LPP: variants seen among roughly 807,000 people sequenced by gnomAD.
LPP encodes LIM domain containing preferred translocation partner in lipoma.
LPP carries 38 observed loss-of-function variants against 60.4 expected under a neutral mutation model. The ratio of observed to expected loss-of-function variants is 0.63; its 90% CI spans 0.49 to 0.83. LPP has a LOEUF of 0.83. LPP is among the 40% of genes least tolerant of loss of function. The probability of loss-of-function intolerance (pLI) is 0.00; values close to 1 mark genes in which losing one functional copy is unlikely to be tolerated. For synonymous variants in LPP, 328 were observed against 290.8 expected (o/e 1.13, Z -1.30); for missense variants, 902 against 783.6 (o/e 1.15, Z -1.80).
intron 7 of LPP, among the ~76,000 whole-genome samples, chr3:188,701,464 C>T (rs1864392144): frequency 6.6e-6 from 1 of 152,168 alleles, no homozygotes; most frequent in East Asian, 1.9e-4. Flanking sequence ...TGACTTTCAA[C>T]GATTAACCTT....
chr3:188,332,630 C>A (rs1760427046), intron 2 of LPP, among the ~76,000 whole-genome samples: 1 of 152,144 alleles, frequency 6.6e-6, no homozygotes, highest in East Asian at 1.9e-4. Flanking sequence ...AGCCTCTATT[C>A]AAGATGCATG....
chr3:188,753,664 T>C (rs193199832), intron 8 of LPP, among the ~76,000 whole-genome samples: 1 of 151,822 alleles, frequency 6.6e-6, no homozygotes, highest in Non-Finnish European at 1.5e-5. Flanking sequence ...CTTTTTGGAC[T>C]AAGATGTTAA....
intron 8 of LPP, among the ~76,000 whole-genome samples, chr3:188,731,178 A>G (rs908968851): frequency 6.6e-6 from 1 of 152,200 alleles, no homozygotes; most frequent in Non-Finnish European, 1.5e-5. Context: ...GTGATCTTCT[A>G]GACATAACAA....
chr3:188,425,934 C>G (rs1042903736), intron 4 of LPP, among the ~76,000 whole-genome samples: 1 of 151,792 alleles, frequency 6.6e-6, no homozygotes, highest in Admixed American at 6.6e-5. Context: ...AAGGGTTTTT[C>G]TCATGTCTCT....
rs1345325991 is a variant in LPP at position 188,881,364 on chromosome 3, A to ATT, written c.*6886_*6887dup. 5.0e-6 allele frequency: 1 copy of ATT among 199,400 alleles called. No individual in the cohort carries two copies. Among genetic ancestry groups the ATT allele is most frequent in the Non-Finnish European group, 1.0e-5 (1 of 96,214 alleles). 12.4% of individuals were successfully genotyped at this position (199,400 alleles called of 1,614,324 possible). A position where few individuals can be genotyped will look rare whatever the true frequency, so the allele number is the denominator to read the frequency against. On this transcript the variant is annotated 3_prime_UTR_variant, in exon 12 of 12. Transcript: ENST00000617246. Reference sequence around the variant, plus strand: ...CAACTCATTCAGCTTTTCTTCACTTATTGACATAGTGTCATGTCCTATCAC... The same window carrying ATT: ...CAACTCATTCAGCTTTTCTTCACTTATTTTGACATAGTGTCATGTCCTATCAC...
intron 5 of LPP, among the ~76,000 whole-genome samples, chr3:188,518,823 CT>C (rs1818103005): frequency 6.6e-6 from 1 of 152,082 alleles, no homozygotes; most frequent in African/African-American, 2.4e-5. Context: ...TCCCCTTGGC[CT>C]TTTGTTTCCT....
intron 1 of LPP, among the ~76,000 whole-genome samples, chr3:188,197,408 G>A (rs1729842038): frequency 6.6e-6 from 1 of 152,230 alleles, no homozygotes; most frequent in South Asian, 2.1e-4. Flanking sequence ...TATATAACTC[G>A]GCAGAGCTTT....
intron 7 of LPP, among the ~76,000 whole-genome samples, chr3:188,698,088 T>C (rs192977640): frequency 6.6e-6 from 1 of 152,304 alleles, no homozygotes; most frequent in East Asian, 1.9e-4. Context: ...GGACAATGCA[T>C]AGAAAGCTGT....
intron 3 of LPP, among the ~76,000 whole-genome samples, chr3:188,394,551 A>AGTGTGTGTGTGT (rs1209092729): frequency 0.031 from 4,540 of 146,900 alleles, 93 homozygotes; most frequent in African/African-American, 0.055. Context: ...AAATATCTAA[A>AGTGTGTGTGTGT]GTGTGTGTGT....
At chr3:188,582,324 AT>A (rs1386752664) in intron 6 of LPP, among the ~76,000 whole-genome samples, 2 of 148,736 alleles carry the variant, frequency 1.3e-5, no homozygotes, top group Admixed American at 6.7e-5. Flanking sequence ...TGCCTGGCTA[AT>A]TTTTTTTTCT....
At chr3:188,604,949 A>G (rs1222209310) in intron 6 of LPP, among the ~76,000 whole-genome samples, 1 of 152,132 alleles carries the variant, frequency 6.6e-6, no homozygotes, top group Non-Finnish European at 1.5e-5. Flanking sequence ...TCAGCTAGAT[A>G]ATTCAAAGAC....
intron 8 of LPP, among the ~76,000 whole-genome samples, chr3:188,752,509 T>C (rs1251911016): frequency 6.6e-6 from 1 of 152,186 alleles, no homozygotes; most frequent in Non-Finnish European, 1.5e-5. Context: ...CAGGGTTGTT[T>C]TTTGTTTTGT....
chr3:188,783,706 A>G (rs35810992), intron 9 of LPP, among the ~76,000 whole-genome samples: 21,488 of 132,406 alleles, frequency 0.16, 1,600 homozygotes, highest in Middle Eastern at 0.19. Flanking sequence ...AACCTAAAAT[A>G]AAAGTTTTTT....
intron 1 of LPP, among the ~76,000 whole-genome samples, chr3:188,159,066 C>T (rs906916884): frequency 1.3e-5 from 2 of 152,308 alleles, no homozygotes; most frequent in South Asian, 2.1e-4. Flanking sequence ...CAACAGAGCT[C>T]GCTTCCCCAG....
chr3:188,486,184 C>T (rs1176791477), intron 5 of LPP, among the ~76,000 whole-genome samples: 2 of 151,942 alleles, frequency 1.3e-5, no homozygotes, highest in Admixed American at 6.6e-5. Flanking sequence ...GAGAAAAAGT[C>T]TTAGGGAACA....
chr3:188,802,003 TTAG>T (rs1248052167), intron 9 of LPP, among the ~76,000 whole-genome samples: 2 of 152,230 alleles, frequency 1.3e-5, no homozygotes, highest in Non-Finnish European at 2.9e-5. Flanking sequence ...GTTAATATTT[TTAG>T]TATTTTATCT....
At chr3:188,215,717 A>G (rs1713278787) in intron 1 of LPP, among the ~76,000 whole-genome samples, 1 of 152,244 alleles carries the variant, frequency 6.6e-6, no homozygotes, top group South Asian at 2.1e-4. Flanking sequence ...AACAGCAACC[A>G]GAGACTTCAA....
At chr3:188,337,315 C>T (rs1560266731) in intron 2 of LPP, among the ~76,000 whole-genome samples, 1 of 152,234 alleles carries the variant, frequency 6.6e-6, no homozygotes, top group Non-Finnish European at 1.5e-5. Flanking sequence ...ACACTGGTTG[C>T]TCTTTTTCTT....
chr3:188,221,995 T>A (rs1188818768), intron 1 of LPP, among the ~76,000 whole-genome samples: 1 of 152,214 alleles, frequency 6.6e-6, no homozygotes, highest in African/African-American at 2.4e-5. Context: ...CCTAGAGATA[T>A]TGGATGAGTG....
Sources: allele counts gnomAD v4.1 joint callset (sites outside exome capture counted in the v4.1 genomes callset), GRCh38; gene constraint gnomAD v4.1.1; transcripts MANE v1.5; gene names NCBI Gene and HGNC (gene_info 2026-07-23, HGNC 2026-07-21).